Variants in MIGA1 observed in about 807,000 individuals in gnomAD.
MIGA1 encodes family with sequence similarity 73, member A.
Under a neutral mutation model 82.0 loss-of-function variants are expected in MIGA1, and 58 were observed. That is an observed-to-expected ratio of 0.71 (90% CI 0.57 to 0.88). The LOEUF (loss-of-function observed/expected upper bound fraction) is 0.88, where lower values mean the gene tolerates loss of function less well. Ranked by LOEUF, MIGA1 falls within the 40% of genes least tolerant of loss-of-function variation. MIGA1 has a pLI of 0.00. For missense variants in MIGA1, 751 were observed against 749.1 expected, an observed-to-expected ratio of 1.00 and a Z score of -0.03; for synonymous variants, 249 against 253.6, an observed-to-expected ratio of 0.98 and a Z score of 0.17.
chr1:77,828,057 T>TATAA (rs560298209), intron 7 of MIGA1, among the ~76,000 whole-genome samples: 3,888 of 151,860 alleles, frequency 0.026, 69 homozygotes, highest in South Asian at 0.064. Context: ...GACTTTGTCT[T>TATAA]ATAAATAAAT....
chr1:77,783,069 C>T (rs1681994881), intron 1 of MIGA1, among the ~76,000 whole-genome samples, 169 bp from the exon 2 acceptor site: 1 of 146,628 alleles, frequency 6.8e-6, no homozygotes, highest in African/African-American at 2.5e-5. Flanking sequence ...CTTATTGTTT[C>T]TTTTACGCGT....
intron 7 of MIGA1, among the ~76,000 whole-genome samples, chr1:77,816,375 C>CT (rs1683574233): frequency 6.6e-6 from 1 of 152,012 alleles, no homozygotes; most frequent in Non-Finnish European, 1.5e-5. Flanking sequence ...TAATTTAAGT[C>CT]TTTTTTAGTA....
rs569735741 is a variant in MIGA1 at position 77,858,898 on chromosome 1, C to A, written c.997-40C>A. 1.1e-5 allele frequency: 13 copies of A among 1,172,884 alleles called. No homozygotes were observed. The East Asian group carries it at 3.0e-4, about 27-fold the overall frequency. The allele number at this position is 1,172,884 out of a possible 1,614,324, so 72.7% of individuals were successfully genotyped here. On this transcript the variant is annotated intron_variant, in intron 8 of 15. Coordinates refer to ENST00000370791, the MANE Select transcript of MIGA1 (RefSeq NM_198549.4). ...TTGCAATTACAGGCATGAGCCACTGCACCTAGCCTGTATTCTGTTCTAACC... is the reference window on the plus strand; with the variant it reads ...TTGCAATTACAGGCATGAGCCACTGAACCTAGCCTGTATTCTGTTCTAACC...
At chr1:77,820,477 T>C (rs1225119258) in intron 7 of MIGA1, among the ~76,000 whole-genome samples, 1 of 152,112 alleles carries the variant, frequency 6.6e-6, no homozygotes, top group East Asian at 1.9e-4. Flanking sequence ...ACATATAGAG[T>C]ACCAATTTTA....
In MIGA1 at chr1:77,844,114, ATAT is replaced by A. The variant is rs1395713737; in HGVS notation, c.996+708_996+710del. Among the ~76,000 whole-genome samples, 67 of 79,232 alleles carry A rather than the reference ATAT, an allele frequency of 8.5e-4. 1 individual carries two copies. Among genetic ancestry groups the A allele is most frequent in the Admixed American group, 1.9e-3 (13 of 7,008 alleles). 52.0% of individuals were successfully genotyped at this position (79,232 alleles called of 152,430 possible). A position where few individuals can be genotyped will look rare whatever the true frequency, so the allele number is the denominator to read the frequency against. ...AGACCCTGTCTTAAAAAAAAAAAAA[ATAT>A]ATATATATATATATATATATAGATA... On this transcript the variant is annotated intron_variant, in intron 8 of 15. Coordinates refer to ENST00000370791, the MANE Select transcript of MIGA1 (RefSeq NM_198549.4).
chr1:77,857,726 G>GTTTTTTTTTTTTT (rs766194564), intron 8 of MIGA1, among the ~76,000 whole-genome samples: 1 of 110,972 alleles, frequency 9.0e-6, no homozygotes, highest in Non-Finnish European at 1.8e-5. Context: ...CTGGGTTGTT[G>GTTTTTTTTTTTTT]TTTTTTTTTT....
intron 1 of MIGA1, among the ~76,000 whole-genome samples, chr1:77,781,837 G>T (rs1182445776): frequency 6.6e-6 from 1 of 152,156 alleles, no homozygotes; most frequent in Non-Finnish European, 1.5e-5. Context: ...TGCTGTGTTT[G>T]ATTTTAAAGG....
chr1:77,871,091 A>AAGGGGG (rs1685967163), intron 14 of MIGA1, among the ~76,000 whole-genome samples: 2 of 34,678 alleles, frequency 5.8e-5, no homozygotes, highest in South Asian at 1.5e-3. Context: ...AGACCGTGGG[A>AAGGGGG]AGGGGGAGAG....
intron 7 of MIGA1, among the ~76,000 whole-genome samples, chr1:77,815,483 G>T (rs1007455492): frequency 2.0e-5 from 3 of 151,838 alleles, no homozygotes; most frequent in African/African-American, 7.3e-5. Context: ...ATATATTGTG[G>T]GTGAAAAAAT....
intron 6 of MIGA1, 43 bp from the exon 7 acceptor site, chr1:77,815,065 A>C (rs769136738): frequency 2.3e-6 from 3 of 1,325,048 alleles, no homozygotes; most frequent in Admixed American, 5.4e-5. Context: ...GAATTTTAAC[A>C]TTAGAATTTA....
chr1:77,854,932 C>T (rs954228476), intron 8 of MIGA1, among the ~76,000 whole-genome samples: 4 of 152,148 alleles, frequency 2.6e-5, no homozygotes, highest in African/African-American at 9.7e-5. Flanking sequence ...GTTTTTATTG[C>T]ATTTGCTTTT....
Position 77,801,322 on chromosome 1 carries a change from C to A in MIGA1, c.196-9C>A. On this transcript the variant is annotated splice_polypyrimidine_tract_variant and intron_variant, in intron 2 of 15. Transcript: ENST00000370791. ...AGATTTTTTTCAATTTTAACTGAAT[C>A]TTTTCCAGATCAAATTTTCTCCGGT... The A allele has an allele frequency of 2.0e-6, 3 of 1,536,596 alleles. No individual in the cohort carries two copies. The highest frequency in any genetic ancestry group is 2.4e-5 in the East Asian group (1 of 41,114).
intron 2 of MIGA1, among the ~76,000 whole-genome samples, chr1:77,785,835 G>A (rs756131547): frequency 2.6e-5 from 4 of 152,278 alleles, no homozygotes; most frequent in Non-Finnish European, 5.9e-5. Context: ...CAGGTGTATG[G>A]TGCAAGCTGT....
At chr1:77,798,407 T>TA (rs1682745451) in intron 2 of MIGA1, among the ~76,000 whole-genome samples, 1 of 152,180 alleles carries the variant, frequency 6.6e-6, no homozygotes, top group Non-Finnish European at 1.5e-5. Flanking sequence ...ACATGGCTGG[T>TA]GAGGCCTCAC....
intron 4 of MIGA1, among the ~76,000 whole-genome samples, chr1:77,806,143 A>G (rs922708009): frequency 6.6e-6 from 1 of 152,216 alleles, no homozygotes; most frequent in Non-Finnish European, 1.5e-5. Context: ...GAAGCAGCAT[A>G]ATCTGTAGGC....
intron 2 of MIGA1, among the ~76,000 whole-genome samples, chr1:77,797,435 C>T (rs1466741357): frequency 6.6e-6 from 1 of 152,210 alleles, no homozygotes; most frequent in Non-Finnish European, 1.5e-5. Context: ...TTGAGTTCTG[C>T]AACTTTGTTC....
chr1:77,801,506 A>G lies in MIGA1; in HGVS notation c.371A>G (p.Lys124Arg). 1 of 1,595,344 alleles carries G rather than the reference A, an allele frequency of 6.3e-7. No homozygotes were observed. Among genetic ancestry groups the G allele is most frequent in the Non-Finnish European group, 8.5e-7 (1 of 1,176,296 alleles). Residue 124 changes from lysine (K) to arginine (R), a missense_variant and splice_region_variant, in exon 3 of 16, where the codon AAA becomes AGA. By Grantham distance (26) the Lys-to-Arg change is conservative. Transcript: ENST00000370791. ...TACACTAAAAGAGCAGCATCAGACA[A>G]AGGTATGTGGAAATAGTTGAAGTAA...
At chr1:77,805,407 C>T (rs1430815503) in intron 4 of MIGA1, among the ~76,000 whole-genome samples, 2 of 148,592 alleles carry the variant, frequency 1.3e-5, no homozygotes, top group African/African-American at 5.0e-5. Context: ...CAAAGGCCTA[C>T]AGACTTTCAG....
At chr1:77,853,708 AACAC>A (rs1301043284) in intron 8 of MIGA1, 3 of 292,166 alleles carry the variant, frequency 1.0e-5, no homozygotes, top group African/African-American at 6.8e-5. Context: ...ACAAACAAAC[AACAC>A]ACACACACAA....
Sources: allele counts gnomAD v4.1 joint callset (sites outside exome capture counted in the v4.1 genomes callset), GRCh38; gene constraint gnomAD v4.1.1; transcripts MANE v1.5; gene names NCBI Gene and HGNC (gene_info 2026-07-23, HGNC 2026-07-21).